LRP2: variants seen among roughly 807,000 people sequenced by gnomAD.
LRP2 encodes the protein LDL receptor related protein 2.
Under a neutral mutation model 531.0 loss-of-function variants are expected in LRP2, and 172 were observed. The observed-to-expected ratio is 0.32, with a 90% CI of 0.29 to 0.37. LRP2 has a LOEUF of 0.37. LRP2 is among the 10% of genes least tolerant of loss of function. The pLI is 1.00. For synonymous variants in LRP2, 1,992 were observed against 2,027.6 expected (o/e 0.98, Z 0.47); for missense variants, 5,167 against 5,868.3 (o/e 0.88, Z 3.90).
At chr2:169,159,497 A>C (rs566818802) in intron 63 of LRP2, among the ~76,000 whole-genome samples, 7 of 152,204 alleles carry the variant, frequency 4.6e-5, no homozygotes, top group Non-Finnish European at 1.0e-4. Context: ...AAGTCTTATA[A>C]TAAAGATCCT....
chr2:169,190,015 T>C (rs1687776656), intron 48 of LRP2, among the ~76,000 whole-genome samples: 2 of 152,168 alleles, frequency 1.3e-5, no homozygotes, highest in Non-Finnish European at 2.9e-5. Flanking sequence ...GGAGATAACT[T>C]GGAGTCTGAT....
intron 54 of LRP2, 136 bp from the exon 55 acceptor site, chr2:169,175,525 T>A: frequency 1.3e-6 from 1 of 764,462 alleles, no homozygotes; most frequent in Non-Finnish European, 2.2e-6. Flanking sequence ...ATCAATTAAA[T>A]CTCAGTTACA....
chr2:169,281,981 A>T (rs1215977753), intron 10 of LRP2, among the ~76,000 whole-genome samples: 3 of 152,170 alleles, frequency 2.0e-5, no homozygotes, highest in Non-Finnish European at 4.4e-5. Context: ...AAAACCATGC[A>T]GAGGGGAATA....
intron 4 of LRP2, 26 bp downstream of exon 4, chr2:169,307,255 C>T: frequency 6.8e-7 from 1 of 1,468,524 alleles, no homozygotes; most frequent in Non-Finnish European, 9.6e-7. Context: ...AAACCAAATA[C>T]AGTGCAAGGA....
At position 169,216,379 on chromosome 2, in the gene LRP2, G is replaced by T; in HGVS notation, c.5700C>A (p.Ile1900=). 2 of 1,613,616 alleles carry T rather than the reference G, an allele frequency of 1.2e-6. No homozygotes were observed. Among genetic ancestry groups the T allele is most frequent in the East Asian group, 2.2e-5 (1 of 44,876 alleles). Residue 1900 remains isoleucine, a synonymous_variant, in exon 35 of 79, where the codon ATC becomes ATA. Coordinates refer to ENST00000649046, the MANE Select transcript of LRP2 (RefSeq NM_004525.3). ...ATGTGCCATCCATGTTAGCACTGGC[G>T]ATCTTGGCAGGAACCCCACTGTCAG... ...QGTDSGVPAK[I]ASANMDGTSV...
At chr2:169,192,161 C>T in intron 47 of LRP2, 128 bp from the exon 48 acceptor site, 1 of 606,928 alleles carries the variant, frequency 1.6e-6, no homozygotes, top group East Asian at 2.7e-5. Flanking sequence ...AGACAAATTA[C>T]ACTGCTATTA....
Position 169,225,360 on chromosome 2 carries a change from A to G in LRP2, c.5488T>C (p.Trp1830Arg). 1 of 1,614,034 alleles carries G rather than the reference A, an allele frequency of 6.2e-7. No individual in the cohort carries two copies. The highest frequency in any genetic ancestry group is 8.5e-7 in the Non-Finnish European group (1 of 1,179,930). Residue 1830 changes from tryptophan (W) to arginine (R), a missense_variant, in exon 33 of 79, where the codon TGG becomes CGG. Around this residue, in one of 6 missense-constraint regions of LRP2, gnomAD observed 2,811 missense variants for 3,058.0 expected, o/e 0.92. Transcript: ENST00000649046. ...VGPSMNLALD[W>R]ISRNLYSTNP... The stretch of plus-strand genomic sequence containing the variant: ...GTAGAATAAAGGTTTCTTGAAATCC[A>G]ATCTAAGGCCAGGTTCATAGAAGGC...
intron 66 of LRP2, among the ~76,000 whole-genome samples, chr2:169,154,102 G>A (rs889712401): frequency 6.6e-6 from 1 of 152,192 alleles, no homozygotes; most frequent in Non-Finnish European, 1.5e-5. Flanking sequence ...TGTCACAGAG[G>A]TGGTGACATT....
intron 62 of LRP2, among the ~76,000 whole-genome samples, chr2:169,163,569 G>T (rs530205084): frequency 1.3e-5 from 2 of 152,320 alleles, no homozygotes; most frequent in East Asian, 3.9e-4. Flanking sequence ...GAAAAAAGCA[G>T]ATTTGAGAAC....
At chr2:169,226,374 G>T in intron 32 of LRP2, 48 bp downstream of exon 32, 1 of 1,465,376 alleles carries the variant, frequency 6.8e-7, no homozygotes, top group Non-Finnish European at 9.5e-7. Flanking sequence ...AGTGCAGGCA[G>T]GCTCTTCAAG....
At chr2:169,245,052 A>T in intron 21 of LRP2, 120 bp from the exon 22 acceptor site, 3 of 1,071,522 alleles carry the variant, frequency 2.8e-6, no homozygotes, top group African/African-American at 1.6e-5. Flanking sequence ...AATAAGGAGA[A>T]ATGTTCATCA....
chr2:169,305,768 T>C (rs1298260941), intron 4 of LRP2, among the ~76,000 whole-genome samples: 1 of 152,254 alleles, frequency 6.6e-6, no homozygotes, highest in African/African-American at 2.4e-5. Flanking sequence ...GGACTACATG[T>C]ACTACAGTGG....
At position 169,185,760 on chromosome 2, in the gene LRP2, G is replaced by A. The variant is rs1687613651; in HGVS notation, c.9588C>T (p.Asn3196=). Reference sequence around the variant, plus strand: ...TGCTAAAAATGAGATAGGGTTCGATGTTACTGTTTTGCCGGCAGGTCTTTC... The same window carrying A: ...TGCTAAAAATGAGATAGGGTTCGATATTACTGTTTTGCCGGCAGGTCTTTC... ...PDGKTCRQNS[N]IEPYLIFSNR... The change falls in exon 50 of 79, where the codon AAC becomes AAT. Residue 3196 remains asparagine, a synonymous_variant. Transcript: ENST00000649046. 6.2e-7 allele frequency: 1 copy of A among 1,613,780 alleles called. No homozygotes were observed. The highest frequency in any genetic ancestry group is 8.5e-7 in the Non-Finnish European group (1 of 1,179,946).
At chr2:169,307,482 G>C (rs1684456721) in intron 3 of LRP2, 85 bp from the exon 4 acceptor site, 1 of 858,986 alleles carries the variant, frequency 1.2e-6, no homozygotes, top group Admixed American at 1.9e-5. Flanking sequence ...ATATTGGAAA[G>C]CATAAAGTTC....
At chr2:169,195,151 C>T (rs1256678239) in intron 46 of LRP2, among the ~76,000 whole-genome samples, 1 of 152,174 alleles carries the variant, frequency 6.6e-6, no homozygotes, top group Non-Finnish European at 1.5e-5. Context: ...TGGAAACAAC[C>T]TAAATGTCCA....
chr2:169,167,854 T>C (rs533746193), intron 61 of LRP2, among the ~76,000 whole-genome samples: 4 of 151,498 alleles, frequency 2.6e-5, no homozygotes, highest in African/African-American at 7.3e-5. Context: ...ACTAAAAGGC[T>C]AAGAAGCCTT....
At chr2:169,222,908 A>T (rs1025325761) in intron 33 of LRP2, among the ~76,000 whole-genome samples, 1 of 152,096 alleles carries the variant, frequency 6.6e-6, no homozygotes, top group Non-Finnish European at 1.5e-5. Flanking sequence ...GGAAATCTGC[A>T]TGCTCTCTCC....
Position 169,166,755 on chromosome 2 carries a change from G to A in LRP2, c.11636-701C>T, listed in dbSNP as rs541508507. 2.8e-3 allele frequency among the ~76,000 whole-genome samples: 420 copies of A among 152,322 alleles called. 3 individuals are homozygous for A. The highest frequency in any genetic ancestry group is 3.6e-3 in the Non-Finnish European group (248 of 68,034). On this transcript the variant is annotated intron_variant, in intron 61 of 78. Transcript: ENST00000649046. ...CCTGTACAGATGTGAGGAACTCAAG[G>A]GTAGTCCCCAGGTCCCCTACTTGTT... is the stretch of plus-strand genomic sequence containing the variant.
At chr2:169,168,261 C>T (rs538569501) in intron 61 of LRP2, among the ~76,000 whole-genome samples, 92 of 151,704 alleles carry the variant, frequency 6.1e-4, no homozygotes, top group African/African-American at 2.1e-3. Context: ...AACAGACCTG[C>T]CTTTATTTAT....
Sources: gnomAD v4.1 joint callset for allele counts (sites outside exome capture counted in the v4.1 genomes callset) on GRCh38, gnomAD v4.1.1 for gene constraint, gnomAD v4.1.1 regional missense constraint, MANE v1.5 for transcripts, NCBI Gene and HGNC (gene_info 2026-07-23, HGNC 2026-07-21) for gene names.